THSD7B: variants seen among roughly 807,000 people sequenced by gnomAD.
THSD7B encodes thrombospondin type 1 domain containing 7B.
In THSD7B, 138 loss-of-function variants were observed where a neutral mutation model predicts 213.6. That is an observed-to-expected ratio of 0.65 (90% CI 0.56 to 0.74). THSD7B has a LOEUF of 0.74. Ranked by LOEUF, THSD7B falls within the 30% of genes least tolerant of loss-of-function variation. THSD7B has a pLI of 0.00. For missense variants in THSD7B, 1,931 were observed against 1,991.5 expected (o/e 0.97, Z 0.58); for synonymous variants, 742 against 687.0 (o/e 1.08, Z -1.25).
intron 15 of THSD7B, among the ~76,000 whole-genome samples, chr2:137,501,256 G>C (rs987442823): frequency 6.6e-6 from 1 of 152,104 alleles, no homozygotes; most frequent in Non-Finnish European, 1.5e-5. Context: ...TATTCACATA[G>C]TGAAAAGAAG....
At chr2:136,840,912 G>A (rs908772154) in intron 1 of THSD7B, among the ~76,000 whole-genome samples, 2 of 151,654 alleles carry the variant, frequency 1.3e-5, no homozygotes, top group African/African-American at 4.9e-5. Context: ...AATATGGAAT[G>A]ATTCCAGATT....
chr2:137,234,651 C>A (rs1042536970), intron 9 of THSD7B, among the ~76,000 whole-genome samples: 1 of 152,112 alleles, frequency 6.6e-6, no homozygotes, highest in African/African-American at 2.4e-5. Context: ...TTGTTCCAAC[C>A]CTAGTCTAGC....
intron 15 of THSD7B, among the ~76,000 whole-genome samples, chr2:137,458,464 T>C (rs1370784015): frequency 6.6e-6 from 1 of 152,116 alleles, no homozygotes; most frequent in Non-Finnish European, 1.5e-5. Context: ...TACAATTCTT[T>C]CAAAAAAATG....
intron 2 of THSD7B, among the ~76,000 whole-genome samples, chr2:136,956,557 G>C (rs1573732951): frequency 6.8e-6 from 1 of 147,108 alleles, no homozygotes. Context: ...AGTGAGCCAT[G>C]CTCATGCTAC....
At chr2:137,391,451 G>T (rs187470049) in intron 12 of THSD7B, among the ~76,000 whole-genome samples, 2 of 152,076 alleles carry the variant, frequency 1.3e-5, no homozygotes, top group African/African-American at 2.4e-5. Context: ...CATTTTGGGA[G>T]GCCAAGGCGG....
Position 137,555,583 on chromosome 2 carries a change from A to C in THSD7B, c.3139-7638A>C, listed in dbSNP as rs191651242. On this transcript the variant is annotated intron_variant, in intron 15 of 27. Coordinates refer to ENST00000409968, the MANE Select transcript of THSD7B (RefSeq NM_001316349.2). ...AAGACCAAAGGTAGATAAAACCACC[A>C]AGATGGGGAAAAAACAGAGCAGAAA... Among the ~76,000 whole-genome samples, 5 of 152,314 alleles carry C rather than the reference A, an allele frequency of 3.3e-5. No individual in the cohort carries two copies. The East Asian group carries it at 7.7e-4, about 24-fold the overall frequency.
intron 1 of THSD7B, among the ~76,000 whole-genome samples, chr2:136,855,175 A>G (rs576626274): frequency 1.3e-5 from 2 of 152,104 alleles, no homozygotes; most frequent in East Asian, 3.9e-4. Context: ...TTATGTATGC[A>G]TTTTTTTGAC....
At chr2:137,589,378 C>CTCCATT (rs1681814785) in intron 17 of THSD7B, among the ~76,000 whole-genome samples, 2 of 152,146 alleles carry the variant, frequency 1.3e-5, no homozygotes, top group African/African-American at 4.8e-5. Context: ...ATAAATAAAA[C>CTCCATT]TTTAGTGTCC....
At chr2:137,397,996 G>A (rs367972796) in intron 12 of THSD7B, among the ~76,000 whole-genome samples, 2 of 83,096 alleles carry the variant, frequency 2.4e-5, no homozygotes, top group African/African-American at 8.2e-5. Context: ...CGTAGTTCTC[G>A]AGCCTTGGTT....
At chr2:136,848,038 T>C (rs1683038727) in intron 1 of THSD7B, among the ~76,000 whole-genome samples, 1 of 152,180 alleles carries the variant, frequency 6.6e-6, no homozygotes, top group African/African-American at 2.4e-5. Flanking sequence ...TGGAATCTGC[T>C]ATCTGTTTTG....
rs781397624 is a variant in THSD7B at position 137,213,348 on chromosome 2, T to TTA, written c.1724-17688_1724-17687dup. ...GCAGATAATTATATCTAATATAATG[T>TTA]TATATATATTTATAATATATAATAG... On this transcript the variant is annotated intron_variant, in intron 7 of 27. Transcript: ENST00000409968. Among the ~76,000 whole-genome samples the TTA allele has an allele frequency of 7.6e-4, 95 of 125,252 alleles. No individual in the cohort carries two copies. The Middle Eastern group carries it at 0.012, about 15-fold the overall frequency. 82.2% of individuals were successfully genotyped at this position (125,252 alleles called of 152,430 possible).
At chr2:137,404,572 A>G (rs1438972164) in intron 12 of THSD7B, among the ~76,000 whole-genome samples, 1 of 34,182 alleles carries the variant, frequency 2.9e-5, no homozygotes, top group African/African-American at 4.3e-5. Context: ...CACACACTAT[A>G]TATATACACA....
chr2:137,600,847 C>A (rs1045854094), intron 17 of THSD7B, among the ~76,000 whole-genome samples: 4 of 152,132 alleles, frequency 2.6e-5, no homozygotes, highest in Admixed American at 2.6e-4. Flanking sequence ...TAGCTCTATG[C>A]ATGTTATTGC....
chr2:137,640,217 T>A (rs1682914209), intron 20 of THSD7B, among the ~76,000 whole-genome samples: 1 of 152,144 alleles, frequency 6.6e-6, no homozygotes, highest in African/African-American at 2.4e-5. Flanking sequence ...AGTGAATAAG[T>A]CTCATGAGAT....
chr2:136,960,959 G>A (rs1286380485), intron 2 of THSD7B, among the ~76,000 whole-genome samples: 3 of 151,240 alleles, frequency 2.0e-5, no homozygotes, highest in East Asian at 2.0e-4. Flanking sequence ...CAAGGTGGCG[G>A]GCGCCTGTGG....
At chr2:137,628,639 A>T (rs1558865010) in intron 20 of THSD7B, among the ~76,000 whole-genome samples, 2 of 152,230 alleles carry the variant, frequency 1.3e-5, no homozygotes, top group Non-Finnish European at 2.9e-5. Flanking sequence ...TCCCACTGCC[A>T]TAAGCACTAC....
chr2:137,288,165 C>T (rs1375294217), intron 12 of THSD7B, among the ~76,000 whole-genome samples: 1 of 152,020 alleles, frequency 6.6e-6, no homozygotes, highest in Non-Finnish European at 1.5e-5. Flanking sequence ...AGTGAAAGAA[C>T]AAGGAGACGC....
intron 14 of THSD7B, among the ~76,000 whole-genome samples, chr2:137,434,369 T>G (rs1687248705): frequency 6.6e-6 from 1 of 152,222 alleles, no homozygotes. Flanking sequence ...GATGCCCATT[T>G]CTTCTTTCTT....
intron 5 of THSD7B, among the ~76,000 whole-genome samples, chr2:137,125,319 A>G (rs1262452197): frequency 6.6e-6 from 1 of 152,190 alleles, no homozygotes; most frequent in African/African-American, 2.4e-5. Context: ...TGCTTTTTCA[A>G]CTAAGTTTAT....
Sources: gnomAD v4.1 joint callset for allele counts (sites outside exome capture counted in the v4.1 genomes callset) on GRCh38, gnomAD v4.1.1 for gene constraint, MANE v1.5 for transcripts, NCBI Gene and HGNC (gene_info 2026-07-23, HGNC 2026-07-21) for gene names.